The following CFAP44 variants were observed in gnomAD, a reference collection of about 807,000 sequenced individuals.
CFAP44 encodes cilia and flagella associated protein 44, also known as cilia- and flagella-associated protein 44.
CFAP44 carries 134 observed loss-of-function variants against 216.2 expected under a neutral mutation model. That is an observed-to-expected ratio of 0.62 (90% CI 0.54 to 0.72). CFAP44 has a LOEUF of 0.72. Ranked by LOEUF, CFAP44 falls within the 30% of genes least tolerant of loss-of-function variation. CFAP44 has a pLI of 0.00. For synonymous variants in CFAP44, 700 were observed against 727.6 expected (o/e 0.96, Z 0.61); for missense variants, 2,035 against 2,182.1 (o/e 0.93, Z 1.34).
chr3:113,413,533 A>C (rs576964861), intron 6 of CFAP44, among the ~76,000 whole-genome samples: 23 of 152,028 alleles, frequency 1.5e-4, no homozygotes, highest in African/African-American at 5.5e-4. Context: ...ATCCATCTTG[A>C]GTTAATTTTT....
intron 1 of CFAP44, among the ~76,000 whole-genome samples, chr3:113,439,462 G>C (rs781599836): frequency 1.3e-5 from 2 of 152,110 alleles, no homozygotes; most frequent in South Asian, 4.1e-4. Flanking sequence ...ACTTATTGTT[G>C]ATCTTTGTAG....
At chr3:113,320,337 G>A (rs1188085732) in intron 28 of CFAP44, among the ~76,000 whole-genome samples, 2 of 146,122 alleles carry the variant, frequency 1.4e-5, no homozygotes, top group African/African-American at 2.6e-5. Flanking sequence ...CCCTGACCCT[G>A]ACCCTGAATC....
chr3:113,363,270 A>G lies in CFAP44; in HGVS notation c.2809T>C (p.Leu937=). The G allele has an allele frequency of 2.5e-6, 4 of 1,612,600 alleles. No individual in the cohort carries two copies. Among genetic ancestry groups the G allele is most frequent in the Non-Finnish European group, 3.4e-6 (4 of 1,179,608 alleles). ...TTTATTTCTCCCACTTCTTTCATTA[A>G]CTTGTCATGTTCTCTTTTTCTCCTA... ...NARRKREHDK[L]MKEVGEIKAR... The change falls in exon 21 of 35, where the codon TTA becomes CTA. Residue 937 remains leucine (L), a synonymous_variant. Coordinates refer to ENST00000393845, the MANE Select transcript of CFAP44 (RefSeq NM_001164496.2).
chr3:113,409,020 A>G, intron 7 of CFAP44, 86 bp downstream of exon 7: 1 of 807,644 alleles, frequency 1.2e-6, no homozygotes, highest in South Asian at 2.7e-5. Flanking sequence ...AAAAAAAAAA[A>G]AAAAAAAAAG....
chr3:113,338,255 C>CAAAAAAAAAAAA lies in CFAP44; in HGVS notation c.3437+3477_3437+3488dup, dbSNP rs10574877. Among the ~76,000 whole-genome samples, 47 of 43,046 alleles carry CAAAAAAAAAAAA rather than the reference C, an allele frequency of 1.1e-3. 1 individual carries two copies. The highest frequency in any genetic ancestry group is 2.8e-3 in the Admixed American group (7 of 2,532). 28.2% of individuals were successfully genotyped at this position (43,046 alleles called of 152,430 possible). On this transcript the variant is annotated intron_variant, in intron 24 of 34. Coordinates refer to ENST00000393845, the MANE Select transcript of CFAP44 (RefSeq NM_001164496.2). ...CTGGACAACACACGAGACAATGTCT[C>CAAAAAAAAAAAA]AAAAAAAAAAAAAAAAAAAAAAAAA...
At chr3:113,338,646 C>T (rs555347094) in intron 24 of CFAP44, among the ~76,000 whole-genome samples, 3 of 152,228 alleles carry the variant, frequency 2.0e-5, no homozygotes, top group Non-Finnish European at 4.4e-5. Flanking sequence ...AACATCTCTC[C>T]AGGAACGTTC....
chr3:113,353,910 C>A (rs917984657), intron 22 of CFAP44, among the ~76,000 whole-genome samples: 4 of 152,090 alleles, frequency 2.6e-5, no homozygotes, highest in Non-Finnish European at 5.9e-5. Flanking sequence ...AAGGAACAGA[C>A]AGAATAATCC....
chr3:113,395,865 G>A lies in CFAP44; in HGVS notation c.1780-5C>T, dbSNP rs1933975336. 1 of 1,603,914 alleles carries A rather than the reference G, an allele frequency of 6.2e-7. No homozygotes were observed. The highest frequency in any genetic ancestry group is 1.3e-5 in the African/African-American group (1 of 74,338). On this transcript the variant is annotated splice_polypyrimidine_tract_variant and splice_region_variant and intron_variant, in intron 14 of 34. Transcript: ENST00000393845. Reference sequence around the variant, plus strand: ...GAAAACAGTTTGATCTTTACTCTAAGGAAAAAGAGACACACCGACGAAATA... The same window carrying A: ...GAAAACAGTTTGATCTTTACTCTAAAGAAAAAGAGACACACCGACGAAATA...
chr3:113,352,294 A>C (rs1031065789), intron 22 of CFAP44, among the ~76,000 whole-genome samples: 1 of 152,222 alleles, frequency 6.6e-6, no homozygotes, highest in African/African-American at 2.4e-5. Flanking sequence ...TGGCCACCCC[A>C]GCCAGCAGCA....
Position 113,395,853 on chromosome 3 carries a change from T to G in CFAP44, c.1787A>C (p.Asp596Ala). Residue 596 changes from aspartate (D) to alanine (A), a missense_variant, in exon 15 of 35, where the codon GAT becomes GCT. Physicochemically the swap from Asp to Ala is moderately radical, Grantham distance 126. Transcript: ENST00000393845. ...CACTTCAAAGAAGAAAACAGTTTGATCTTTACTCTAAGGAAAAAGAGACAC... is the reference window on the plus strand; with the variant it reads ...CACTTCAAAGAAGAAAACAGTTTGAGCTTTACTCTAAGGAAAAAGAGACAC... ...DGEILATGSK[D>A]QTVFFFEVER... is the part of the protein sequence containing the mutation. 1 of 1,612,164 alleles carries G rather than the reference T, an allele frequency of 6.2e-7. No individual in the cohort carries two copies. Among genetic ancestry groups the G allele is most frequent in the Non-Finnish European group, 8.5e-7 (1 of 1,179,018 alleles).
chr3:113,396,470 T>C (rs961216540), intron 14 of CFAP44, 48 bp downstream of exon 14: 1 of 1,583,900 alleles, frequency 6.3e-7, no homozygotes, highest in Non-Finnish European at 8.6e-7. Flanking sequence ...TATAAGGCAA[T>C]TTAACTATAA....
At chr3:113,345,742 G>A (rs1339460305) in intron 22 of CFAP44, among the ~76,000 whole-genome samples, 4 of 152,106 alleles carry the variant, frequency 2.6e-5, no homozygotes, top group South Asian at 2.1e-4. Flanking sequence ...GGGGGCATTG[G>A]TTCATAATTA....
At chr3:113,324,731 C>G (rs11717082) in intron 28 of CFAP44, among the ~76,000 whole-genome samples, 1 of 152,214 alleles carries the variant, frequency 6.6e-6, no homozygotes, top group African/African-American at 2.4e-5. Flanking sequence ...GCAATAAGGC[C>G]AGAAAATGAA....
At chr3:113,421,975 C>A (rs1321616666) in intron 4 of CFAP44, among the ~76,000 whole-genome samples, 1 of 151,990 alleles carries the variant, frequency 6.6e-6, no homozygotes, top group African/African-American at 2.4e-5. Flanking sequence ...TGTGTACCCT[C>A]TGTATCTAAA....
rs62001862 is a variant in CFAP44, at chr3:113,305,051, C to T, written c.4860G>A (p.Pro1620=). 4.2e-4 allele frequency: 639 copies of T among 1,537,186 alleles called. No homozygotes were observed. In the African/African-American group the frequency reaches 6.8e-3, roughly 16 times the overall value. The part of the protein sequence containing the change: ...QRLNELLVVI[P]LKLHQIEYVV... The stretch of plus-strand genomic sequence containing the variant: ...GACGCATCACCTGGTGGAGCTTGAG[C>T]GGAATCACAACTAGCAGTTCATTCA... Residue 1620 remains proline, a synonymous_variant, in exon 31 of 35, where the codon CCG becomes CCA. Transcript: ENST00000393845.
rs1452657842 is a variant in CFAP44, at chr3:113,288,235, T to C, written c.*3322A>G. 1 of 152,188 alleles carries C rather than the reference T, an allele frequency of 6.6e-6. No homozygotes were observed. The highest frequency in any genetic ancestry group is 1.5e-5 in the Non-Finnish European group (1 of 68,036). 9.4% of individuals were successfully genotyped at this position (152,188 alleles called of 1,614,324 possible). A position where few individuals can be genotyped will look rare whatever the true frequency, so the allele number is the denominator to read the frequency against. ...CTAGGGAAGAGTCACTCTGACTGTT[T>C]AGGGCAAGTGCATCCTCTGCTGGCC... is the stretch of plus-strand genomic sequence containing the variant. On this transcript the variant is annotated 3_prime_UTR_variant, in exon 35 of 35. Coordinates refer to ENST00000393845, the MANE Select transcript of CFAP44 (RefSeq NM_001164496.2).
chr3:113,298,228 TCTC>T (rs1949900707), intron 32 of CFAP44, among the ~76,000 whole-genome samples: 2 of 152,194 alleles, frequency 1.3e-5, no homozygotes. Flanking sequence ...CCAGTGTCCT[TCTC>T]CTATGCTGAA....
intron 1 of CFAP44, among the ~76,000 whole-genome samples, chr3:113,435,136 C>G (rs968004370): frequency 6.6e-6 from 1 of 151,914 alleles, no homozygotes; most frequent in African/African-American, 2.4e-5. Flanking sequence ...GGCAGGAGGA[C>G]TGCTTGAGAC....
At chr3:113,294,441 G>A in intron 34 of CFAP44, 1 of 443,282 alleles carries the variant, frequency 2.3e-6, no homozygotes, top group East Asian at 4.1e-5. Context: ...CAGGACCAAG[G>A]CAATTCTATT....
Sources: gnomAD v4.1 joint callset for allele counts (sites outside exome capture counted in the v4.1 genomes callset) on GRCh38, gnomAD v4.1.1 for gene constraint, MANE v1.5 for transcripts, NCBI Gene and HGNC (gene_info 2026-07-23, HGNC 2026-07-21) for gene names.